Variants in ZMIZ1 observed in about 807,000 individuals in gnomAD.
ZMIZ1 encodes zinc finger MIZ-type containing 1.
Under a neutral mutation model 113.9 loss-of-function variants are expected in ZMIZ1, and 17 were observed. That is an observed-to-expected ratio of 0.15 (90% CI 0.10 to 0.22). ZMIZ1 has a LOEUF of 0.22. Ranked by LOEUF, ZMIZ1 falls within the 10% of genes least tolerant of loss-of-function variation. The pLI, the probability that ZMIZ1 is intolerant of heterozygous loss-of-function variation, is 1.00. For synonymous variants in ZMIZ1, 607 were observed against 603.1 expected (o/e 1.01, Z -0.09); for missense variants, 1,059 against 1,477.8 (o/e 0.72, Z 4.65).
At chr10:79,184,316 T>C (rs984812699) in intron 4 of ZMIZ1, among the ~76,000 whole-genome samples, 1 of 152,158 alleles carries the variant, frequency 6.6e-6, no homozygotes, top group South Asian at 2.1e-4. Context: ...ACACACAGCA[T>C]TGTGAGCTGT....
At position 79,069,591 on chromosome 10, in the gene ZMIZ1, C is replaced by G. The variant is rs1842179924; in HGVS notation, c.-337+321C>G. ...GTGCCCGCCTCCTGCCGGCGCGCCT[C>G]CAGCCCTCGCTCCCTACACCCGGGG... On this transcript the variant is annotated intron_variant, in intron 1 of 24. Transcript: ENST00000334512. This position sits in a 1 kb window ranked among gnomAD's most constrained non-coding sequence, Gnocchi z 4.6. Among the ~76,000 whole-genome samples, 1 of 151,138 alleles carries G rather than the reference C, an allele frequency of 6.6e-6. No homozygotes were observed. The highest frequency in any genetic ancestry group is 1.5e-5 in the Non-Finnish European group (1 of 67,704).
chr10:79,274,577 A>G (rs374197186), intron 7 of ZMIZ1, among the ~76,000 whole-genome samples: 1 of 152,168 alleles, frequency 6.6e-6, no homozygotes, highest in African/African-American at 2.4e-5. Context: ...GTTGGTTTGC[A>G]CCATAAGGAG....
chr10:79,133,581 A>G (rs1026497365), intron 2 of ZMIZ1, among the ~76,000 whole-genome samples: 2 of 152,166 alleles, frequency 1.3e-5, no homozygotes, highest in African/African-American at 2.4e-5. Context: ...GCTTCCTGCC[A>G]GGGAGGCCAT....
chr10:79,100,041 C>T (rs141151146), intron 1 of ZMIZ1, among the ~76,000 whole-genome samples: 1 of 152,232 alleles, frequency 6.6e-6, no homozygotes, highest in African/African-American at 2.4e-5. Flanking sequence ...CACCCTGATG[C>T]TCAGAGCACA....
chr10:79,117,481 C>G (rs558801726), intron 1 of ZMIZ1, among the ~76,000 whole-genome samples: 2 of 152,220 alleles, frequency 1.3e-5, no homozygotes, highest in Admixed American at 6.5e-5. Flanking sequence ...CATTCCCAAG[C>G]CTGTGCAGCA....
At chr10:79,230,188 A>T (rs1251984497) in intron 7 of ZMIZ1, among the ~76,000 whole-genome samples, 2 of 108,120 alleles carry the variant, frequency 1.8e-5, no homozygotes, top group African/African-American at 7.3e-5. Flanking sequence ...CCTCTCTTTC[A>T]CTCTCCCCGT....
At chr10:79,081,688 G>A (rs975132137) in intron 1 of ZMIZ1, among the ~76,000 whole-genome samples, 2 of 152,258 alleles carry the variant, frequency 1.3e-5, no homozygotes, top group Middle Eastern at 3.4e-3. Context: ...CCACTTAGGC[G>A]CATCTTGCCT....
intron 2 of ZMIZ1, among the ~76,000 whole-genome samples, chr10:79,125,193 G>A (rs1844464379): frequency 6.6e-6 from 1 of 152,230 alleles, no homozygotes. Flanking sequence ...AGCGACCGAC[G>A]ATGGAGCCAG....
At chr10:79,297,448 G>A (rs571708676) in intron 13 of ZMIZ1, among the ~76,000 whole-genome samples, 165 bp from the exon 14 acceptor site, 7 of 152,282 alleles carry the variant, frequency 4.6e-5, no homozygotes, top group East Asian at 1.9e-4. Context: ...GCAAAATGCC[G>A]TCCCTGAGGT....
intron 7 of ZMIZ1, among the ~76,000 whole-genome samples, chr10:79,237,389 C>T (rs1258707366): frequency 1.3e-5 from 2 of 152,176 alleles, no homozygotes; most frequent in African/African-American, 4.8e-5. Flanking sequence ...TTTGCTAAGG[C>T]TGCCATAACA....
chr10:79,298,701 C>G, intron 15 of ZMIZ1, 121 bp downstream of exon 15: 1 of 944,594 alleles, frequency 1.1e-6, no homozygotes, highest in Non-Finnish European at 1.5e-6. Context: ...GAGTTGAGAG[C>G]AGGTGAGATA....
rs550879710 is a variant in ZMIZ1, at chr10:79,127,424, C to T, written c.-227+8400C>T. Among the ~76,000 whole-genome samples, 540 of 152,272 alleles carry T rather than the reference C, an allele frequency of 3.5e-3. 6 individuals carry two copies. The highest frequency in any genetic ancestry group is 0.012 in the African/African-American group (512 of 41,554). Reference sequence around the variant, plus strand: ...TTTGCACAGCAGCCAGCTCAGGCCCCGTCAGATGGCCCAGGTTCCTGCTCG... The same window carrying T: ...TTTGCACAGCAGCCAGCTCAGGCCCTGTCAGATGGCCCAGGTTCCTGCTCG... On this transcript the variant is annotated intron_variant, in intron 2 of 24. Coordinates refer to ENST00000334512, the MANE Select transcript of ZMIZ1 (RefSeq NM_020338.4).
rs368482744 is a variant in ZMIZ1, at chr10:79,115,505, T to C, written c.-336-3410T>C. 3.3e-5 allele frequency among the ~76,000 whole-genome samples: 5 copies of C among 152,320 alleles called. No individual in the cohort carries two copies. The South Asian group carries it at 6.2e-4, about 19-fold the overall frequency. Reference sequence around the variant, plus strand: ...TCCTATTGCTGGTAAGCATCATCGCTGGTACAGTGGAGACCCTGAGGAAGG... The same window carrying C: ...TCCTATTGCTGGTAAGCATCATCGCCGGTACAGTGGAGACCCTGAGGAAGG... On this transcript the variant is annotated intron_variant, in intron 1 of 24. Coordinates refer to ENST00000334512, the MANE Select transcript of ZMIZ1 (RefSeq NM_020338.4).
At chr10:79,138,270 A>G (rs1279826113) in intron 2 of ZMIZ1, among the ~76,000 whole-genome samples, 1 of 152,188 alleles carries the variant, frequency 6.6e-6, no homozygotes, top group Non-Finnish European at 1.5e-5. Context: ...CCAAGAGCAT[A>G]GGTTGTAGGG....
chr10:79,305,751 CG>C (rs1564604440), intron 21 of ZMIZ1, 150 bp downstream of exon 21: 2 of 829,562 alleles, frequency 2.4e-6, no homozygotes, highest in Non-Finnish European at 1.9e-6. Context: ...CCCTTACCCT[CG>C]GGGGCCTCTG....
intron 6 of ZMIZ1, among the ~76,000 whole-genome samples, chr10:79,208,902 A>G (rs1468444800): frequency 6.6e-6 from 1 of 152,204 alleles, no homozygotes; most frequent in African/African-American, 2.4e-5. Flanking sequence ...CCAAATGAGC[A>G]TTGATCTCTC....
At chr10:79,205,320 A>C (rs1400916528) in intron 5 of ZMIZ1, among the ~76,000 whole-genome samples, 1 of 151,680 alleles carries the variant, frequency 6.6e-6, no homozygotes, top group Non-Finnish European at 1.5e-5. Flanking sequence ...CCCTCCCTCC[A>C]CCTCCCACTG....
intron 7 of ZMIZ1, among the ~76,000 whole-genome samples, chr10:79,232,626 T>G (rs1356006564): frequency 6.6e-6 from 1 of 152,132 alleles, no homozygotes; most frequent in Non-Finnish European, 1.5e-5. Flanking sequence ...GCATTACTCC[T>G]GCTATTATTG....
chr10:79,302,793 ACGC>A, intron 18 of ZMIZ1, among the ~76,000 whole-genome samples: 1 of 141,552 alleles, frequency 7.1e-6, no homozygotes, highest in South Asian at 2.3e-4. Context: ...TCATGGGTTC[ACGC>A]CATTCTCCTG....
Sources: allele counts gnomAD v4.1 joint callset (sites outside exome capture counted in the v4.1 genomes callset), GRCh38; gene constraint gnomAD v4.1.1; non-coding constraint Gnocchi (gnomAD v3.1); transcripts MANE v1.5; gene names NCBI Gene and HGNC (gene_info 2026-07-23, HGNC 2026-07-21).